The following GC variants were observed in gnomAD, a reference collection of about 807,000 sequenced individuals.
GC encodes the protein GC vitamin D binding protein.
A neutral mutation model predicts 56.7 loss-of-function variants in GC; 43 were observed. The observed-to-expected ratio is 0.76, with a 90% CI of 0.59 to 0.98. GC has a LOEUF of 0.98. Among genes scored for constraint, GC ranks in the 50% least tolerant of loss-of-function variants. The probability of loss-of-function intolerance (pLI) is 0.00; values close to 1 mark genes in which losing one functional copy is unlikely to be tolerated. For synonymous variants in GC, 216 were observed against 202.7 expected (o/e 1.07, Z -0.56); for missense variants, 529 against 545.9 (o/e 0.97, Z 0.31).
At chr4:71,753,773 T>G (rs1188634387) in intron 10 of GC, among the ~76,000 whole-genome samples, 8 of 152,228 alleles carry the variant, frequency 5.3e-5, no homozygotes, top group Non-Finnish European at 5.9e-5. Flanking sequence ...TATGCTTGAT[T>G]GAAAGTTTGG....
At position 71,783,974 on chromosome 4, in the gene GC, A is replaced by G; in HGVS notation, c.45T>C (p.His15=). 6.2e-7 allele frequency: 1 copy of G among 1,601,682 alleles called. No homozygotes were observed. The highest frequency in any genetic ancestry group is 8.5e-7 in the Non-Finnish European group (1 of 1,173,034). ...LVLLLAVAFG[H]ALERGRDYEK... The stretch of plus-strand genomic sequence containing the variant: ...AAGAAATCTTACCTCTCTCTAAAGC[A>G]TGTCCAAATGCCACAGCAAGCAGTA... Residue 15 remains histidine, a synonymous_variant, in exon 1 of 13, where the codon CAT becomes CAC. Coordinates refer to ENST00000273951, the MANE Select transcript of GC (RefSeq NM_000583.4).
intron 1 of GC, among the ~76,000 whole-genome samples, chr4:71,782,109 A>G (rs1156548022): frequency 6.6e-6 from 1 of 151,732 alleles, no homozygotes; most frequent in Non-Finnish European, 1.5e-5. Flanking sequence ...GGCCACAGAA[A>G]CTTCTTTTCA....
chr4:71,781,700 A>G (rs113384124), intron 1 of GC, among the ~76,000 whole-genome samples: 3 of 151,982 alleles, frequency 2.0e-5, no homozygotes, highest in African/African-American at 7.2e-5. Flanking sequence ...CTTGTAGGCA[A>G]CTGGGAAATA....
intron 1 of GC, among the ~76,000 whole-genome samples, chr4:71,781,823 A>G (rs1188658039): frequency 6.6e-6 from 1 of 151,838 alleles, no homozygotes; most frequent in African/African-American, 2.4e-5. Flanking sequence ...TGGCTTGGGA[A>G]CAAGATTCCC....
chr4:71,775,365 C>A (rs925533690), intron 1 of GC, among the ~76,000 whole-genome samples: 1 of 151,838 alleles, frequency 6.6e-6, no homozygotes. Flanking sequence ...AAGTATCATT[C>A]AACAAGGGCT....
At chr4:71,787,602 C>G (rs1742869973), upstream of GC, among the ~76,000 whole-genome samples, 1 of 151,754 alleles carries the variant, frequency 6.6e-6, no homozygotes, top group Admixed American at 6.6e-5. Context: ...GACAAGTGTG[C>G]TGAGTTGTGA....
intron 1 of GC, among the ~76,000 whole-genome samples, chr4:71,773,601 G>A (rs1185133010): frequency 6.6e-6 from 1 of 152,004 alleles, no homozygotes; most frequent in Non-Finnish European, 1.5e-5. Flanking sequence ...GTTTATTAAA[G>A]TAGGTATTTG....
chr4:71,746,772 T>TAAAAAAAAAAAAAAAAAAAA (rs34865299), intron 11 of GC, among the ~76,000 whole-genome samples: 9 of 100,646 alleles, frequency 8.9e-5, no homozygotes, highest in African/African-American at 3.8e-4. Context: ...CTCTATTTTG[T>TAAAAAAAAAAAAAAAAAAAA]AAAAAAAAAA....
chr4:71,758,218 T>C, intron 6 of GC, 47 bp from the exon 7 acceptor site: 3 of 1,568,310 alleles, frequency 1.9e-6, no homozygotes, highest in Non-Finnish European at 2.6e-6. Context: ...ATTCTCAGTT[T>C]TCTTGGTTTC....
chr4:71,750,696 C>T (rs111402032), intron 11 of GC, among the ~76,000 whole-genome samples: 1 of 152,040 alleles, frequency 6.6e-6, no homozygotes, highest in East Asian at 1.9e-4. Context: ...ATCAGCCTGG[C>T]CAACATGGTG....
intron 3 of GC, among the ~76,000 whole-genome samples, chr4:71,766,149 T>C (rs1167195206): frequency 6.6e-6 from 1 of 152,220 alleles, no homozygotes; most frequent in Admixed American, 6.5e-5. Context: ...CCTTTAACTT[T>C]CTACATTATT....
At chr4:71,762,403 T>C (rs1348110082) in intron 6 of GC, among the ~76,000 whole-genome samples, 1 of 152,236 alleles carries the variant, frequency 6.6e-6, no homozygotes, top group Non-Finnish European at 1.5e-5. Flanking sequence ...TACAGGCTCA[T>C]AGGCAGAAGG....
chr4:71,805,513 T>A (rs998131356), upstream of GC, among the ~76,000 whole-genome samples: 2 of 152,144 alleles, frequency 1.3e-5, no homozygotes, highest in Non-Finnish European at 2.9e-5. Context: ...GGCTGAAGAA[T>A]GAGCAGTCCC....
chr4:71,783,869 T>A, intron 1 of GC, 92 bp downstream of exon 1: 3 of 937,258 alleles, frequency 3.2e-6, no homozygotes, highest in Admixed American at 5.5e-5. Context: ...CCAGTTCTTC[T>A]GTTTCTTACT....
intron 3 of GC, among the ~76,000 whole-genome samples, chr4:71,767,426 A>G (rs1742191303): frequency 6.6e-6 from 1 of 152,080 alleles, no homozygotes; most frequent in Non-Finnish European, 1.5e-5. Context: ...GGAGAAACCT[A>G]GAATTCAGTT....
Position 71,763,906 on chromosome 4 carries a change from T to A in GC, c.504A>T (p.Gly168=). The stretch of plus-strand genomic sequence containing the variant: ...TGACTAAAAGTGACAGAGGAGCTTG[T>A]CCGTAATTAGTGGAATATTCCCACA... ...QFMWEYSTNY[G]QAPLSLLVSY... Residue 168 remains glycine (G), a synonymous_variant, in exon 5 of 13, where the codon GGA becomes GGT. Transcript: ENST00000273951. The A allele has an allele frequency of 6.2e-7, 1 of 1,611,612 alleles. No homozygotes were observed. Among genetic ancestry groups the A allele is most frequent in the Non-Finnish European group, 8.5e-7 (1 of 1,177,718 alleles).
intron 3 of GC, among the ~76,000 whole-genome samples, chr4:71,767,316 G>A (rs957740053): frequency 1.5e-4 from 23 of 152,104 alleles, no homozygotes; most frequent in African/African-American, 5.6e-4. Flanking sequence ...CATCAGGCCT[G>A]ACGACTGCAT....
chr4:71,804,091 A>G (rs1743309141), upstream of GC: 1 of 676,152 alleles, frequency 1.5e-6, no homozygotes, highest in Non-Finnish European at 2.7e-6. Context: ...TGCAAGCTCC[A>G]CCAATAAGCT....
chr4:71,793,305 C>A (rs1388442051), intron 1 of GC, among the ~76,000 whole-genome samples: 1 of 152,084 alleles, frequency 6.6e-6, no homozygotes, highest in Non-Finnish European at 1.5e-5. Context: ...ATAGAATATT[C>A]TTCCATTTGT....
Sources: allele counts gnomAD v4.1 joint callset (sites outside exome capture counted in the v4.1 genomes callset), GRCh38; gene constraint gnomAD v4.1.1; transcripts MANE v1.5; gene names NCBI Gene and HGNC (gene_info 2026-07-23, HGNC 2026-07-21).